GALNT13: variants seen among roughly 807,000 people sequenced by gnomAD.
GALNT13 encodes polypeptide N-acetylgalactosaminyltransferase 13.
In GALNT13, 28 loss-of-function variants were observed where a neutral mutation model predicts 64.2. The observed-to-expected ratio is 0.44, with a 90% CI of 0.32 to 0.60. The LOEUF is 0.60. Ranked by LOEUF, GALNT13 falls within the 20% of genes least tolerant of loss-of-function variation. The pLI, the probability that GALNT13 is intolerant of heterozygous loss-of-function variation, is 0.05. For missense variants in GALNT13, 577 were observed against 669.8 expected (o/e 0.86, Z 1.53); for synonymous variants, 214 against 224.6 (o/e 0.95, Z 0.42).
At chr2:153,812,258 T>A in the GALNT13 span, among the ~76,000 whole-genome samples, 1 of 152,256 alleles carries the variant, frequency 6.6e-6, no homozygotes, top group Non-Finnish European at 1.5e-5. Flanking sequence ...TTCTCTTGTA[T>A]GTGTATTTTG....
At chr2:153,986,027 T>C (rs1311043383) in intron 3 of GALNT13, among the ~76,000 whole-genome samples, 3 of 152,196 alleles carry the variant, frequency 2.0e-5, no homozygotes, top group Admixed American at 2.0e-4. Flanking sequence ...ACAAGAAGTA[T>C]GAAATTGCTA....
At chr2:153,825,608 C>G in the GALNT13 span, among the ~76,000 whole-genome samples, 230 of 134,864 alleles carry the variant, frequency 1.7e-3, no homozygotes, top group African/African-American at 6.3e-3. Context: ...TCCATGAGTG[C>G]TGTGTGTGTG....
In GALNT13 at chr2:154,242,032, G is replaced by A. The variant is rs1689516483; in HGVS notation, c.314G>A (p.Cys105Tyr). The A allele has an allele frequency of 6.4e-7, 1 of 1,570,010 alleles. No homozygotes were observed. Among genetic ancestry groups the A allele is most frequent in the Non-Finnish European group, 8.6e-7 (1 of 1,160,580 alleles). ...CCCTCTTCTTTTCTCTTTTTCAGATGTAAGACAAAAGTCTACCCTGATGAA... is the reference window on the plus strand; with the variant it reads ...CCCTCTTCTTTTCTCTTTTTCAGATATAAGACAAAAGTCTACCCTGATGAA... ...RSLPDVRLEG[C>Y]KTKVYPDELP... Residue 105 changes from cysteine to tyrosine, a missense_variant and splice_region_variant, in exon 5 of 13, where the codon TGT (cysteine) becomes TAT (tyrosine). Physicochemically the swap from Cys to Tyr is radical, Grantham distance 194. Transcript: ENST00000392825.
intron 1 of GALNT13, among the ~76,000 whole-genome samples, chr2:153,886,054 C>A (rs1331766200): frequency 6.6e-6 from 1 of 151,566 alleles, no homozygotes; most frequent in African/African-American, 2.4e-5. Flanking sequence ...CCAAGGTTCC[C>A]CCCATAGTGT....
At chr2:153,655,247 A>T in the GALNT13 span, among the ~76,000 whole-genome samples, 1 of 152,122 alleles carries the variant, frequency 6.6e-6, no homozygotes, top group Non-Finnish European at 1.5e-5. Flanking sequence ...TTGAGATATT[A>T]AACATTTTTC....
chr2:153,380,148 C>T, the GALNT13 span, among the ~76,000 whole-genome samples: 1 of 152,022 alleles, frequency 6.6e-6, no homozygotes, highest in East Asian at 1.9e-4. Flanking sequence ...TAGATTCAAC[C>T]AATCATTGAT....
chr2:153,687,843 A>G, the GALNT13 span, among the ~76,000 whole-genome samples: 1 of 151,970 alleles, frequency 6.6e-6, no homozygotes, highest in Non-Finnish European at 1.5e-5. Flanking sequence ...CCAAGTTACC[A>G]AAAATAAAGA....
At chr2:154,332,489 C>T (rs1695219651) in intron 9 of GALNT13, among the ~76,000 whole-genome samples, 1 of 151,964 alleles carries the variant, frequency 6.6e-6, no homozygotes, top group South Asian at 2.1e-4. Context: ...GTCTATAAAG[C>T]CCTCCTGCAT....
intron 3 of GALNT13, among the ~76,000 whole-genome samples, chr2:154,010,325 C>T (rs75911365): frequency 0.015 from 2,211 of 152,160 alleles, 26 homozygotes; most frequent in Non-Finnish European, 0.022. Flanking sequence ...TCTTGAAAAC[C>T]GTTTCCGTGT....
intron 8 of GALNT13, among the ~76,000 whole-genome samples, chr2:154,259,894 T>C (rs534713607): frequency 3.3e-5 from 5 of 152,196 alleles, no homozygotes; most frequent in African/African-American, 1.2e-4. Flanking sequence ...GTTGTTGTTG[T>C]TTTTTGAGAC....
the GALNT13 span, among the ~76,000 whole-genome samples, chr2:153,069,356 G>A: frequency 1.1e-4 from 17 of 152,000 alleles, no homozygotes; most frequent in Non-Finnish European, 1.8e-4. Flanking sequence ...AGGTCCTCTC[G>A]CACGCCATCT....
intron 9 of GALNT13, among the ~76,000 whole-genome samples, chr2:154,322,074 G>A (rs1276501765): frequency 6.7e-6 from 1 of 148,282 alleles, no homozygotes; most frequent in Non-Finnish European, 1.5e-5. Context: ...TAAGACCAAA[G>A]GCCTAGGATT....
At chr2:154,106,403 T>C (rs1373864084) in intron 3 of GALNT13, among the ~76,000 whole-genome samples, 3 of 152,122 alleles carry the variant, frequency 2.0e-5, no homozygotes, top group African/African-American at 7.2e-5. Context: ...CATATGTATG[T>C]CCAAGTTCTC....
intron 3 of GALNT13, among the ~76,000 whole-genome samples, chr2:153,977,120 G>A (rs1694124919): frequency 6.6e-6 from 1 of 152,130 alleles, no homozygotes; most frequent in African/African-American, 2.4e-5. Context: ...GTAGTAAGCT[G>A]TCATTCAAAA....
At chr2:153,338,448 T>C in the GALNT13 span, among the ~76,000 whole-genome samples, 1 of 152,234 alleles carries the variant, frequency 6.6e-6, no homozygotes, top group Non-Finnish European at 1.5e-5. Flanking sequence ...CACACATTTT[T>C]CGCATTTTGA....
At chr2:153,656,195 GATA>G in the GALNT13 span, among the ~76,000 whole-genome samples, 1 of 152,066 alleles carries the variant, frequency 6.6e-6, no homozygotes, top group Non-Finnish European at 1.5e-5. Context: ...TGTTCTGTCA[GATA>G]ATGAGGAATA....
chr2:153,542,314 C>T, the GALNT13 span, among the ~76,000 whole-genome samples: 2 of 149,162 alleles, frequency 1.3e-5, no homozygotes, highest in African/African-American at 5.0e-5. Context: ...GAGCAAAACT[C>T]CATCTCAAAA....
At chr2:153,406,060 C>G in the GALNT13 span, among the ~76,000 whole-genome samples, 2 of 152,162 alleles carry the variant, frequency 1.3e-5, no homozygotes, top group African/African-American at 4.8e-5. Context: ...CAAACTGTTA[C>G]AAGAAGCATA....
At chr2:154,311,678 T>C (rs959701547) in intron 9 of GALNT13, among the ~76,000 whole-genome samples, 1 of 152,180 alleles carries the variant, frequency 6.6e-6, no homozygotes, top group African/African-American at 2.4e-5. Context: ...GAATTTCCTC[T>C]TCCTAATAAG....
Sources: allele counts gnomAD v4.1 joint callset (sites outside exome capture counted in the v4.1 genomes callset), GRCh38; gene constraint gnomAD v4.1.1; transcripts MANE v1.5; gene names NCBI Gene and HGNC (gene_info 2026-07-23, HGNC 2026-07-21).